The following VPS35L variants were observed in gnomAD, a reference collection of about 807,000 sequenced individuals.
VPS35L encodes the protein VPS35 endosomal protein-sorting factor-like.
VPS35L carries 83 observed loss-of-function variants against 133.0 expected under a neutral mutation model. The observed-to-expected ratio is 0.62, with a 90% CI of 0.52 to 0.75. The LOEUF (loss-of-function observed/expected upper bound fraction) is 0.75. VPS35L is among the 30% of genes least tolerant of loss of function. The pLI, the probability that VPS35L is intolerant of heterozygous loss-of-function variation, is 0.00. For missense variants in VPS35L, 1,083 were observed against 1,206.8 expected, an observed-to-expected ratio of 0.90 and a Z score of 1.52; for synonymous variants, 423 against 449.9, an observed-to-expected ratio of 0.94 and a Z score of 0.76.
At chr16:19,672,581 A>G (rs1974913468) in intron 27 of VPS35L, among the ~76,000 whole-genome samples, 1 of 152,184 alleles carries the variant, frequency 6.6e-6, no homozygotes, top group East Asian at 1.9e-4. Flanking sequence ...GAGGGGAGCG[A>G]GGTCAGGAGG....
chr16:19,571,097 G>A (rs1229507828), intron 3 of VPS35L, among the ~76,000 whole-genome samples: 8 of 150,922 alleles, frequency 5.3e-5, no homozygotes, highest in East Asian at 3.9e-4. Flanking sequence ...GGTCTCGAAC[G>A]CCTGACCTCG....
At chr16:19,632,419 T>G (rs1973485571) in intron 18 of VPS35L, among the ~76,000 whole-genome samples, 1 of 152,246 alleles carries the variant, frequency 6.6e-6, no homozygotes, top group Admixed American at 6.5e-5. Flanking sequence ...AAGTTCTCTC[T>G]CAAACTGTCT....
At chr16:19,653,306 C>T (rs958974511) in intron 26 of VPS35L, among the ~76,000 whole-genome samples, 3 of 152,180 alleles carry the variant, frequency 2.0e-5, no homozygotes, top group African/African-American at 4.8e-5. Flanking sequence ...ACAGGGTACC[C>T]ACCCTGCAGG....
rs1972907577 is a variant in VPS35L at position 19,616,763 on chromosome 16, T to C, written c.1179T>C (p.Pro393=). Residue 393 remains proline, a synonymous_variant, in exon 14 of 31, where the codon CCT becomes CCC. Coordinates refer to ENST00000417362, the MANE Select transcript of VPS35L (RefSeq NM_020314.7). ...ELPSYLPLYP[P]AMDWIFQCIS... is the part of the protein sequence containing the mutation. ...CATCTTACCTCCCCTTGTACCCGCC[T>C]GCCATGGACTGGATCTTCCAGTGCA... 2 of 1,614,180 alleles carry C rather than the reference T, an allele frequency of 1.2e-6. No individual in the cohort carries two copies. Among genetic ancestry groups the C allele is most frequent in the Non-Finnish European group, 8.5e-7 (1 of 1,180,006 alleles).
chr16:19,693,489 T>A (rs1975777245), intron 29 of VPS35L, among the ~76,000 whole-genome samples: 1 of 150,700 alleles, frequency 6.6e-6, no homozygotes, highest in Non-Finnish European at 1.5e-5. Flanking sequence ...AAAAAAAAAA[T>A]TAAAAATTAG....
intron 8 of VPS35L, among the ~76,000 whole-genome samples, chr16:19,595,307 T>G (rs115990296): frequency 0.025 from 3,867 of 152,146 alleles, 173 homozygotes; most frequent in African/African-American, 0.089. Flanking sequence ...CAGGGGTGGC[T>G]TGGCCCCGGG....
intron 23 of VPS35L, among the ~76,000 whole-genome samples, chr16:19,647,188 C>G (rs1191637692): frequency 6.6e-6 from 1 of 152,126 alleles, no homozygotes; most frequent in African/African-American, 2.4e-5. Flanking sequence ...TTGTACTCAT[C>G]ATGTGGTATT....
chr16:19,559,326 G>A (rs1214968095), intron 1 of VPS35L, among the ~76,000 whole-genome samples: 1 of 152,214 alleles, frequency 6.6e-6, no homozygotes, highest in Non-Finnish European at 1.5e-5. Flanking sequence ...GGTGATCTGT[G>A]AACCACATTT....
chr16:19,670,627 G>A (rs1468342872), intron 27 of VPS35L, among the ~76,000 whole-genome samples: 1 of 152,188 alleles, frequency 6.6e-6, no homozygotes, highest in Non-Finnish European at 1.5e-5. Flanking sequence ...GAAATTAAGA[G>A]GGGCATTGTT....
chr16:19,645,719 G>C (rs1330121824), intron 23 of VPS35L, among the ~76,000 whole-genome samples: 1 of 152,176 alleles, frequency 6.6e-6, no homozygotes, highest in Non-Finnish European at 1.5e-5. Context: ...CAAAGTCCTG[G>C]GATTGAGTCT....
intron 17 of VPS35L, 73 bp from the exon 18 acceptor site, chr16:19,629,694 C>A: frequency 7.3e-7 from 1 of 1,366,750 alleles, no homozygotes; most frequent in Non-Finnish European, 1.0e-6. Context: ...ACAGAGCCAG[C>A]TGAAGCCTCC....
Position 19,669,142 on chromosome 16 carries a change from T to A in VPS35L, c.2222-18T>A. ...TCCCAGAGTTCTAATATACTGACTTTTATCTTCTGTCTTGCAGCTGATGCT... is the reference window on the plus strand; with the variant it reads ...TCCCAGAGTTCTAATATACTGACTTATATCTTCTGTCTTGCAGCTGATGCT... On this transcript the variant is annotated intron_variant, in intron 26 of 30. Coordinates refer to ENST00000417362, the MANE Select transcript of VPS35L (RefSeq NM_020314.7). 6.3e-7 allele frequency: 1 copy of A among 1,590,960 alleles called. No individual in the cohort carries two copies. The highest frequency in any genetic ancestry group is 8.6e-7 in the Non-Finnish European group (1 of 1,165,170).
intron 6 of VPS35L, 72 bp downstream of exon 6, chr16:19,579,200 C>A: frequency 7.3e-7 from 1 of 1,365,914 alleles, no homozygotes. Flanking sequence ...AGATCAACCT[C>A]GGTGGCTGCT....
chr16:19,561,963 C>T (rs539230244), intron 1 of VPS35L, among the ~76,000 whole-genome samples: 14 of 151,732 alleles, frequency 9.2e-5, no homozygotes, highest in Non-Finnish European at 1.3e-4. Flanking sequence ...AAAAATTAGC[C>T]GGGCGTGGGG....
chr16:19,572,691 T>A (rs1244673638), intron 3 of VPS35L, among the ~76,000 whole-genome samples: 1 of 150,762 alleles, frequency 6.6e-6, no homozygotes, highest in Non-Finnish European at 1.5e-5. Flanking sequence ...ATGGTCTGAA[T>A]TTTTTTTTTG....
intron 26 of VPS35L, among the ~76,000 whole-genome samples, chr16:19,666,079 A>G (rs1974654179): frequency 6.6e-6 from 1 of 151,816 alleles, no homozygotes; most frequent in Non-Finnish European, 1.5e-5. Flanking sequence ...CTGGTTATTA[A>G]TCCTTTATCA....
Position 19,633,689 on chromosome 16 carries a change from T to C in VPS35L, c.1635+517T>C, listed in dbSNP as rs1973530241. Among the ~76,000 whole-genome samples the C allele has an allele frequency of 6.6e-6, 1 of 152,182 alleles. No homozygotes were observed. The highest frequency in any genetic ancestry group is 2.4e-5 in the African/African-American group (1 of 41,440). ...AAAAGAAAGCTCAAAGAATTCCTAT[T>C]ATTCTTTAACCAGATTTACTAGCTG... On this transcript the variant is annotated intron_variant, in intron 19 of 30. Coordinates refer to ENST00000417362, the MANE Select transcript of VPS35L (RefSeq NM_020314.7). This position sits in a 1 kb window ranked among gnomAD's most constrained non-coding sequence, Gnocchi z 4.1.
chr16:19,664,539 T>C (rs2151600063), intron 26 of VPS35L, among the ~76,000 whole-genome samples: 1 of 149,494 alleles, frequency 6.7e-6, no homozygotes, highest in Non-Finnish European at 1.5e-5. Flanking sequence ...TAAGATGGGA[T>C]ATGCAGTGAT....
intron 11 of VPS35L, 140 bp from the exon 12 acceptor site, chr16:19,610,182 C>T (rs1043962552): frequency 1.9e-5 from 12 of 645,560 alleles, no homozygotes; most frequent in African/African-American, 1.8e-4. Context: ...AAAACTGAAA[C>T]TTTGACCTTG....
Sources: gnomAD v4.1 joint callset for allele counts (sites outside exome capture counted in the v4.1 genomes callset) on GRCh38, gnomAD v4.1.1 for gene constraint, Gnocchi (gnomAD v3.1) non-coding constraint, MANE v1.5 for transcripts, NCBI Gene and HGNC (gene_info 2026-07-23, HGNC 2026-07-21) for gene names.